Variants in DPP4 observed in about 807,000 individuals in gnomAD.
DPP4 encodes the protein dipeptidyl peptidase 4.
A neutral mutation model predicts 122.4 loss-of-function variants in DPP4; 93 were observed. The ratio of observed to expected loss-of-function variants is 0.76; its 90% confidence interval spans 0.64 to 0.90. The LOEUF (loss-of-function observed/expected upper bound fraction) is 0.90. Among genes scored for constraint, DPP4 ranks in the 40% least tolerant of loss-of-function variants. DPP4 has a pLI of 0.00. For missense variants in DPP4, 914 were observed against 907.3 expected (o/e 1.01, Z -0.09); for synonymous variants, 321 against 302.9 (o/e 1.06, Z -0.62).
rs149888754 is a variant in DPP4, at chr2:162,018,658, G to C, written c.1420+71C>G. Reference sequence around the variant, plus strand: ...TTTCAAGAGCTCCTCAGATTCAAAAGGAATAGAGGGAGCTGCTTCGAAGTG... The same window carrying C: ...TTTCAAGAGCTCCTCAGATTCAAAACGAATAGAGGGAGCTGCTTCGAAGTG... On this transcript the variant is annotated intron_variant, in intron 16 of 25. Transcript: ENST00000360534. 482 of 1,546,912 alleles carry C rather than the reference G, an allele frequency of 3.1e-4. 1 individual carries two copies. In the African/African-American group the frequency reaches 6.1e-3, roughly 20 times the overall value.
At chr2:162,000,174 G>T (rs900761373) in intron 23 of DPP4, among the ~76,000 whole-genome samples, 2 of 152,052 alleles carry the variant, frequency 1.3e-5, no homozygotes, top group Admixed American at 1.3e-4. Flanking sequence ...ACGACTTTGG[G>T]TTTAGCGGCT....
Position 162,074,098 on chromosome 2 carries a change from G to A in DPP4, c.-117C>T. On this transcript the variant is annotated 5_prime_UTR_variant, in exon 1 of 26. Transcript: ENST00000360534. ...CCGGGCGGTGGAGTCACTCGCCGCT[G>A]GCAAGTTTCGGCCCCGAGTTAAACA... The A allele has an allele frequency of 5.4e-6, 8 of 1,475,030 alleles. No individual in the cohort carries two copies. In the South Asian group the frequency reaches 1.1e-4, roughly 20 times the overall value. 91.4% of individuals were successfully genotyped at this position (1,475,030 alleles called of 1,614,324 possible).
chr2:162,014,528 T>A, intron 18 of DPP4, 63 bp from the exon 19 acceptor site: 1 of 1,228,140 alleles, frequency 8.1e-7, no homozygotes, highest in Non-Finnish European at 1.2e-6. Context: ...ATTTTGTTCC[T>A]CATGTCCGTC....
At chr2:162,031,611 C>T (rs1430022732) in intron 10 of DPP4, among the ~76,000 whole-genome samples, 1 of 152,106 alleles carries the variant, frequency 6.6e-6, no homozygotes, top group Non-Finnish European at 1.5e-5. Context: ...AGTGTCCTTC[C>T]TCCTCACTGC....
intron 2 of DPP4, among the ~76,000 whole-genome samples, chr2:162,053,397 T>A (rs556540143): frequency 6.6e-6 from 1 of 151,364 alleles, no homozygotes; most frequent in South Asian, 2.1e-4. Flanking sequence ...GGGCCACACA[T>A]AAAATACACC....
intron 18 of DPP4, among the ~76,000 whole-genome samples, chr2:162,015,012 C>A (rs890687456): frequency 6.6e-6 from 1 of 152,308 alleles, no homozygotes; most frequent in Non-Finnish European, 1.5e-5. Context: ...ATGGAGCAAA[C>A]TGTTGCGTAC....
At position 162,005,414 on chromosome 2, in the gene DPP4, T is replaced by G. The variant is rs561855005; in HGVS notation, c.2052+331A>C. On this transcript the variant is annotated intron_variant, in intron 23 of 25. Coordinates refer to ENST00000360534, the MANE Select transcript of DPP4 (RefSeq NM_001935.4). ...AGAAATTTCAATATATAGCTAAAGG[T>G]TTAGAGAGTCTTCTGGGCTCTAAAG... Among the ~76,000 whole-genome samples, 16 of 152,260 alleles carry G rather than the reference T, an allele frequency of 1.1e-4. No homozygotes were observed. In the East Asian group the frequency reaches 2.5e-3, roughly 24 times the overall value.
intron 18 of DPP4, 73 bp from the exon 19 acceptor site, chr2:162,014,538 C>A: frequency 9.4e-7 from 1 of 1,068,604 alleles, no homozygotes. Context: ...TCATGTCCGT[C>A]AGTAGCAAGT....
In DPP4 at chr2:162,054,527, T is replaced by C. The variant is rs144104684; in HGVS notation, c.95-7026A>G. Reference sequence around the variant, plus strand: ...CCAAAATTAATGTCTTGAAACTAAATCTTTGTTGTGATATTAAGAGGTGGA... The same window carrying C: ...CCAAAATTAATGTCTTGAAACTAAACCTTTGTTGTGATATTAAGAGGTGGA... On this transcript the variant is annotated intron_variant, in intron 2 of 25. Coordinates refer to ENST00000360534, the MANE Select transcript of DPP4 (RefSeq NM_001935.4). 2.8e-3 allele frequency among the ~76,000 whole-genome samples: 426 copies of C among 152,268 alleles called. 2 individuals carry two copies. The highest frequency in any genetic ancestry group is 9.7e-3 in the African/African-American group (402 of 41,560).
intron 2 of DPP4, among the ~76,000 whole-genome samples, chr2:162,056,752 C>T (rs1431702957): frequency 6.6e-6 from 1 of 152,132 alleles, no homozygotes; most frequent in South Asian, 2.1e-4. Context: ...TAGGAGGGGC[C>T]TGAATTCTGC....
At chr2:162,030,939 T>C (rs967201587) in intron 10 of DPP4, among the ~76,000 whole-genome samples, 1 of 152,126 alleles carries the variant, frequency 6.6e-6, no homozygotes, top group Non-Finnish European at 1.5e-5. Context: ...CAAAAATCCG[T>C]CCTGAGAATT....
rs542751482 is a variant in DPP4 at position 162,030,264 on chromosome 2, G to A, written c.887+3277C>T. Among the ~76,000 whole-genome samples the A allele has an allele frequency of 5.9e-5, 9 of 152,288 alleles. No individual in the cohort carries two copies. In the South Asian group the frequency reaches 1.9e-3, roughly 32 times the overall value. On this transcript the variant is annotated intron_variant, in intron 10 of 25. Coordinates refer to ENST00000360534, the MANE Select transcript of DPP4 (RefSeq NM_001935.4). Reference sequence around the variant, plus strand: ...CAACTTTAGCACTAAATCAATGCAGGCAGCAGGGAGACTCACCCTGGTTCA... The same window carrying A: ...CAACTTTAGCACTAAATCAATGCAGACAGCAGGGAGACTCACCCTGGTTCA...
At chr2:161,993,923 T>A (rs966783933) in intron 25 of DPP4, among the ~76,000 whole-genome samples, 9 of 152,164 alleles carry the variant, frequency 5.9e-5, no homozygotes, top group African/African-American at 2.2e-4. Context: ...CATATATATG[T>A]TTAATAGAAG....
At chr2:162,002,853 C>T (rs986576919) in intron 23 of DPP4, among the ~76,000 whole-genome samples, 2 of 152,164 alleles carry the variant, frequency 1.3e-5, no homozygotes, top group African/African-American at 4.8e-5. Context: ...CAGCTTTATT[C>T]TAAAGCCTGC....
Position 162,073,725 on chromosome 2 carries a change from G to C in DPP4, c.7-239C>G. On this transcript the variant is annotated intron_variant, in intron 1 of 25. Coordinates refer to ENST00000360534, the MANE Select transcript of DPP4 (RefSeq NM_001935.4). Reference sequence around the variant, plus strand: ...AGCGTTGGTTTCTCTACCCCTGCCCGGGTTCGGGCGTGCGTTCTGTGAGTG... The same window carrying C: ...AGCGTTGGTTTCTCTACCCCTGCCCCGGTTCGGGCGTGCGTTCTGTGAGTG... 3 of 674,930 alleles carry C rather than the reference G, an allele frequency of 4.4e-6. No individual in the cohort carries two copies. The South Asian group carries it at 5.9e-5, about 13-fold the overall frequency. The allele number at this position is 674,930 out of a possible 1,614,324, so 41.8% of individuals were successfully genotyped here.
chr2:162,035,172 A>T lies in DPP4; in HGVS notation c.766T>A (p.Tyr256Asn), dbSNP rs767238727. ...LQYPKTVRVPYPKAGAVNPTV... is the reference protein window; with the variant it reads ...LQYPKTVRVPNPKAGAVNPTV... ...CAAACAGGAGCACAGACCTTTGGAT[A>T]TGGAACCCGTACAGTCTTTGGGTAC... The change falls in exon 9 of 26, where the codon TAT (tyrosine) becomes AAT (asparagine). Residue 256 changes from tyrosine (Y) to asparagine (N), a missense_variant. Tyr to Asn is a moderately radical substitution (Grantham distance 143, BLOSUM62 -2). Transcript: ENST00000360534. 3 of 1,612,770 alleles carry T rather than the reference A, an allele frequency of 1.9e-6. No individual in the cohort carries two copies. The highest frequency in any genetic ancestry group is 1.1e-5 in the South Asian group (1 of 90,766).
In DPP4 at chr2:162,005,778, G is replaced by A. The variant is rs745392924; in HGVS notation, c.2019C>T (p.Leu673=). 1.2e-6 allele frequency: 2 copies of A among 1,612,986 alleles called. No individual in the cohort carries two copies. Among genetic ancestry groups the A allele is most frequent in the Non-Finnish European group, 1.7e-6 (2 of 1,179,512 alleles). The stretch of plus-strand genomic sequence containing the variant: ...GGTCAAGGTTGTCTTCTGGAGTTGG[G>A]AGACCCATGTAACGTTCTGTGTACA... ...DSVYTERYMG[L]PTPEDNLDHY... Residue 673 remains leucine (L), a synonymous_variant, in exon 23 of 26, where the codon CTC becomes CTT. Transcript: ENST00000360534.
At chr2:162,068,959 G>T (rs1172294996) in intron 2 of DPP4, among the ~76,000 whole-genome samples, 6 of 152,082 alleles carry the variant, frequency 3.9e-5, no homozygotes, top group African/African-American at 1.2e-4. Context: ...AGCTTGGAAG[G>T]GGATCCTTCA....
chr2:162,041,274 GC>G (rs1467780778), intron 5 of DPP4, among the ~76,000 whole-genome samples: 1 of 152,096 alleles, frequency 6.6e-6, no homozygotes, highest in East Asian at 1.9e-4. Flanking sequence ...CTATACGTCT[GC>G]CTTCTTTACC....
Sources: allele counts gnomAD v4.1 joint callset (sites outside exome capture counted in the v4.1 genomes callset), GRCh38; gene constraint gnomAD v4.1.1; transcripts MANE v1.5; gene names NCBI Gene and HGNC (gene_info 2026-07-23, HGNC 2026-07-21).